The following MARCO variants were observed in gnomAD, a reference collection of about 807,000 sequenced individuals.
MARCO encodes macrophage receptor MARCO.
MARCO carries 72 observed loss-of-function variants against 70.0 expected under a neutral mutation model. That is an observed-to-expected ratio of 1.03 (90% CI 0.85 to 1.25). The LOEUF (loss-of-function observed/expected upper bound fraction) is 1.25, where lower values mean the gene tolerates loss of function less well. MARCO is among the 50% of genes most tolerant of loss of function. MARCO has a pLI of 0.00. For missense variants in MARCO, 696 were observed against 659.3 expected (o/e 1.06, Z -0.61); for synonymous variants, 273 against 243.1 (o/e 1.12, Z -1.14).
At chr2:118,962,376 C>T (rs764482442) in intron 1 of MARCO, among the ~76,000 whole-genome samples, 8 of 151,880 alleles carry the variant, frequency 5.3e-5, no homozygotes, top group East Asian at 1.9e-4. Flanking sequence ...CATTTGTTCA[C>T]GTCCTCTCTG....
intron 1 of MARCO, among the ~76,000 whole-genome samples, chr2:118,953,546 G>A (rs951302628): frequency 2.6e-5 from 4 of 152,150 alleles, no homozygotes; most frequent in African/African-American, 9.7e-5. Context: ...TTCTGGAGGT[G>A]GGGGGAACGA....
chr2:118,945,659 C>T (rs1223098507), intron 1 of MARCO, among the ~76,000 whole-genome samples: 3 of 151,998 alleles, frequency 2.0e-5, no homozygotes, highest in African/African-American at 7.3e-5. Flanking sequence ...GTGATCCGCC[C>T]CCCTTGGCCT....
intron 6 of MARCO, among the ~76,000 whole-genome samples, chr2:118,975,857 C>G (rs1245644735): frequency 6.6e-6 from 1 of 152,180 alleles, no homozygotes; most frequent in East Asian, 1.9e-4. Flanking sequence ...TGCACAAGTA[C>G]AATCACACTT....
chr2:118,993,643 GAGA>G (rs1558675436), intron 16 of MARCO, among the ~76,000 whole-genome samples: 11 of 152,222 alleles, frequency 7.2e-5, no homozygotes. Context: ...GAAGAACAGA[GAGA>G]AGATTCAGGG....
Position 118,982,177 on chromosome 2 carries a change from T to C in MARCO, c.923T>C (p.Val308Ala). Residue 308 changes from valine (V) to alanine (A), a missense_variant, in exon 11 of 17, where the codon GTT becomes GCT. Physicochemically the swap from Val to Ala is moderately conservative, Grantham distance 64. Transcript: ENST00000327097. Reference sequence around the variant, plus strand: ...TCAGGACAACCTGGACTGCAGGGTGTTCCGGGCCCTCCTGGTGCAGTGGGA... The same window carrying C: ...TCAGGACAACCTGGACTGCAGGGTGCTCCGGGCCCTCCTGGTGCAGTGGGA... ...GDQGQPGLQG[V>A]PGPPGAVGHP... The C allele has an allele frequency of 6.2e-7, 1 of 1,612,694 alleles. No homozygotes were observed. Among genetic ancestry groups the C allele is most frequent in the Non-Finnish European group, 8.5e-7 (1 of 1,179,092 alleles).
intron 1 of MARCO, among the ~76,000 whole-genome samples, chr2:118,958,151 A>G (rs1427678493): frequency 6.6e-6 from 1 of 152,014 alleles, no homozygotes; most frequent in Admixed American, 6.6e-5. Context: ...TCCTAGCCAG[A>G]GCAATCAGAC....
rs1680521064 is a variant in MARCO, at chr2:118,986,721, GAAAAGAAA to G, written c.1064-3867_1064-3860del. On this transcript the variant is annotated intron_variant, in intron 12 of 16. Coordinates refer to ENST00000327097, the MANE Select transcript of MARCO (RefSeq NM_006770.4). ...AGAAAGAAAGAAAGAAAGAAAGAAA[GAAAAGAAA>G]GAAAGAAAGAGAAAGAAAGAGAAAG... Among the ~76,000 whole-genome samples the G allele has an allele frequency of 2.1e-4, 19 of 88,620 alleles. 1 individual carries two copies. The highest frequency in any genetic ancestry group is 1.2e-3 in the East Asian group (4 of 3,412). 58.1% of individuals were successfully genotyped at this position (88,620 alleles called of 152,430 possible).
rs772123809 is a variant in MARCO, at chr2:118,992,496, T to A, written c.1252+20T>A. On this transcript the variant is annotated intron_variant, in intron 15 of 16. Coordinates refer to ENST00000327097, the MANE Select transcript of MARCO (RefSeq NM_006770.4). ...AAAGAGGTAATCACTATTTATATTA[T>A]CTTTAATGTGTGCTTTAAAGTCAAT... is the stretch of plus-strand genomic sequence containing the variant. 6.3e-7 allele frequency: 1 copy of A among 1,593,714 alleles called. No individual in the cohort carries two copies.
intron 8 of MARCO, among the ~76,000 whole-genome samples, chr2:118,978,535 G>C (rs1200417806): frequency 1.3e-5 from 2 of 152,208 alleles, no homozygotes; most frequent in Non-Finnish European, 2.9e-5. Context: ...TCAGCCTCCT[G>C]CAGTCATTGG....
At chr2:118,974,650 C>A in intron 6 of MARCO, 85 bp downstream of exon 6, 1 of 1,326,908 alleles carries the variant, frequency 7.5e-7, no homozygotes, top group Non-Finnish European at 1.1e-6. Flanking sequence ...AGCCTCCCTC[C>A]AGAGTCTGGA....
Position 118,973,337 on chromosome 2 carries a change from A to G in MARCO, c.461-996A>G, listed in dbSNP as rs114657329. ...TGTATGTACATAGAGAAAATCTCCA[A>G]CTCTCACTCTCCATGTCTTTCTCAG... On this transcript the variant is annotated intron_variant, in intron 4 of 16. Coordinates refer to ENST00000327097, the MANE Select transcript of MARCO (RefSeq NM_006770.4). Among the ~76,000 whole-genome samples the G allele has an allele frequency of 6.2e-3, 917 of 147,980 alleles. 7 individuals are homozygous for G. The highest frequency in any genetic ancestry group is 0.022 in the African/African-American group (864 of 39,866).
At chr2:118,980,677 G>T (rs1680372402) in intron 8 of MARCO, among the ~76,000 whole-genome samples, 1 of 152,140 alleles carries the variant, frequency 6.6e-6, no homozygotes, top group Non-Finnish European at 1.5e-5. Flanking sequence ...CAGGGGAGTG[G>T]AGTTGAGCAC....
At position 118,974,541 on chromosome 2, in the gene MARCO, C is replaced by T. The variant is rs773593813; in HGVS notation, c.589C>T (p.Pro197Ser). 1.2e-6 allele frequency: 2 copies of T among 1,613,800 alleles called. No homozygotes were observed. Among genetic ancestry groups the T allele is most frequent in the African/African-American group, 2.7e-5 (2 of 74,920 alleles). ...TCCAGGCCCCTCGGGACCCCAAGGC[C>T]CACCGGGAGTCAAGGGAGAGGCGGG... ...GATGPSGPQG[P>S]PGVKGEAGLQ... The change falls in exon 6 of 17, where the codon CCA becomes TCA. Residue 197 changes from proline (P) to serine (S), a missense_variant. Transcript: ENST00000327097.
At chr2:118,952,001 T>C (rs1362524356) in intron 1 of MARCO, among the ~76,000 whole-genome samples, 1 of 152,166 alleles carries the variant, frequency 6.6e-6, no homozygotes, top group Non-Finnish European at 1.5e-5. Flanking sequence ...TTTCCCTGCC[T>C]CTGCCAGCCA....
At chr2:118,949,607 A>G (rs1679680146) in intron 1 of MARCO, 1 of 150,456 alleles carries the variant, frequency 6.6e-6, no homozygotes, top group South Asian at 2.1e-4. Context: ...TGGTAGGAAT[A>G]GTAATGGATT....
intron 1 of MARCO, among the ~76,000 whole-genome samples, chr2:118,957,646 T>C (rs1679863322): frequency 6.6e-6 from 1 of 152,094 alleles, no homozygotes; most frequent in African/African-American, 2.4e-5. Context: ...GAACCCTCCC[T>C]AATTCATTCT....
At position 118,976,495 on chromosome 2, in the gene MARCO, C is replaced by T. The variant is rs981011836; in HGVS notation, c.614-976C>T. Reference sequence around the variant, plus strand: ...ATCCCTCAATTTCCCCTCATAGTCTCACCATTTCTCTCCTCAACAGATCCC... The same window carrying T: ...ATCCCTCAATTTCCCCTCATAGTCTTACCATTTCTCTCCTCAACAGATCCC... On this transcript the variant is annotated intron_variant, in intron 6 of 16. Coordinates refer to ENST00000327097, the MANE Select transcript of MARCO (RefSeq NM_006770.4). Among the ~76,000 whole-genome samples, 10 of 152,074 alleles carry T rather than the reference C, an allele frequency of 6.6e-5. 1 individual carries two copies. The highest frequency in any genetic ancestry group is 3.9e-4 in the Admixed American group (6 of 15,268).
At chr2:118,942,477 A>G in intron 1 of MARCO, 80 bp downstream of exon 1, 2 of 1,153,852 alleles carry the variant, frequency 1.7e-6, no homozygotes, top group East Asian at 2.5e-5. Flanking sequence ...AGACAAGTCA[A>G]TAGAAAGTCT....
chr2:118,992,644 G>C (rs1680644145), intron 15 of MARCO, among the ~76,000 whole-genome samples, 168 bp downstream of exon 15: 1 of 151,706 alleles, frequency 6.6e-6, no homozygotes, highest in Non-Finnish European at 1.5e-5. Flanking sequence ...CAGAGCAGCA[G>C]TTTCTCTCCC....
Sources: allele counts gnomAD v4.1 joint callset (sites outside exome capture counted in the v4.1 genomes callset), GRCh38; gene constraint gnomAD v4.1.1; transcripts MANE v1.5; gene names NCBI Gene and HGNC (gene_info 2026-07-23, HGNC 2026-07-21).